The following ADAMTS16 variants were observed in gnomAD, a reference collection of about 807,000 sequenced individuals.
ADAMTS16 encodes ADAM metallopeptidase with thrombospondin type 1 motif 16.
In ADAMTS16, 94 loss-of-function variants were observed where a neutral mutation model predicts 145.8. The observed-to-expected ratio is 0.64, with a 90% CI of 0.55 to 0.77. The LOEUF (loss-of-function observed/expected upper bound fraction) is 0.77. Ranked by LOEUF, ADAMTS16 falls within the 30% of genes least tolerant of loss-of-function variation. ADAMTS16 has a pLI of 0.00. For missense variants in ADAMTS16, 1,585 were observed against 1,591.5 expected, an observed-to-expected ratio of 1.00 and a Z score of 0.07; for synonymous variants, 659 against 604.3, an observed-to-expected ratio of 1.09 and a Z score of -1.33.
rs767228405 is a variant in ADAMTS16, at chr5:5,146,368, T to G, written c.414T>G (p.Thr138=). 1.9e-6 allele frequency: 3 copies of G among 1,614,162 alleles called. No homozygotes were observed. The highest frequency in any genetic ancestry group is 2.5e-6 in the Non-Finnish European group (3 of 1,180,046). The change falls in exon 3 of 23, where the codon ACT becomes ACG. Residue 138 remains threonine (T), a synonymous_variant. Transcript: ENST00000274181. The part of the protein sequence containing the change: ...LGKTGTKSVQ[T]LPPEDFCFYQ... ...AGACAGGCACTAAGTCTGTGCAGAC[T>G]TTACCGCCAGAGGACTTCTGTTTCT...
chr5:5,250,261 A>G (rs932673122), intron 17 of ADAMTS16, among the ~76,000 whole-genome samples: 19 of 152,176 alleles, frequency 1.2e-4, no homozygotes, highest in Non-Finnish European at 2.5e-4. Context: ...TCAAATAGAC[A>G]ACAGAAAAGC....
At chr5:5,250,546 T>A (rs1293983312) in intron 17 of ADAMTS16, among the ~76,000 whole-genome samples, 5 of 152,198 alleles carry the variant, frequency 3.3e-5, no homozygotes, top group African/African-American at 9.6e-5. Flanking sequence ...ACCTGTGTGA[T>A]CCCTGAGAGC....
intron 3 of ADAMTS16, among the ~76,000 whole-genome samples, chr5:5,167,669 C>T (rs1453903433): frequency 6.6e-6 from 1 of 152,174 alleles, no homozygotes; most frequent in African/African-American, 2.4e-5. Flanking sequence ...ATCGTAGCCA[C>T]TTCTCCTTTG....
In ADAMTS16 at chr5:5,237,070, C is replaced by T. The variant is rs1224232723; in HGVS notation, c.2125C>T (p.Arg709Cys). The change falls in exon 14 of 23, where the codon CGT becomes TGT. Residue 709 changes from arginine to cysteine, a missense_variant. Coordinates refer to ENST00000274181, the MANE Select transcript of ADAMTS16 (RefSeq NM_139056.4). ...KDGTPCSEDS[R>C]NVCIDGICER... ...TGGGACTCCATGCTCGGAGGATAGC[C>T]GTAATGTTTGTATAGATGGGATATG... is the stretch of plus-strand genomic sequence containing the variant. The T allele has an allele frequency of 3.7e-6, 6 of 1,613,902 alleles. No individual in the cohort carries two copies. The highest frequency in any genetic ancestry group is 5.1e-6 in the Non-Finnish European group (6 of 1,179,952).
chr5:5,212,792 T>G (rs1736313831), intron 10 of ADAMTS16, among the ~76,000 whole-genome samples: 1 of 152,242 alleles, frequency 6.6e-6, no homozygotes, highest in Non-Finnish European at 1.5e-5. Context: ...ATGTAAAAAT[T>G]ATATAGTAGA....
rs1379302142 is a variant in ADAMTS16 at position 5,259,980 on chromosome 5, T to G, written c.2663-2677T>G. On this transcript the variant is annotated intron_variant, in intron 17 of 22. Coordinates refer to ENST00000274181, the MANE Select transcript of ADAMTS16 (RefSeq NM_139056.4). ...GGGACTTTGGACACTCAAAGGCCAA[T>G]CCCAAATCCATCTTTGATTTTCCTA... is the stretch of plus-strand genomic sequence containing the variant. Among the ~76,000 whole-genome samples, 3 of 152,306 alleles carry G rather than the reference T, an allele frequency of 2.0e-5. No individual in the cohort carries two copies. In the East Asian group the frequency reaches 5.8e-4, roughly 29 times the overall value.
intron 3 of ADAMTS16, among the ~76,000 whole-genome samples, chr5:5,166,269 A>C (rs34024123): frequency 0.073 from 11,145 of 152,022 alleles, 564 homozygotes; most frequent in African/African-American, 0.14. Context: ...ACACAAACAC[A>C]CATACATACA....
intron 9 of ADAMTS16, 147 bp from the exon 10 acceptor site, chr5:5,208,946 T>A (rs1185204420): frequency 1.4e-6 from 1 of 721,256 alleles, no homozygotes; most frequent in African/African-American, 1.8e-5. Flanking sequence ...ATAAGTATTA[T>A]ATTGTAACTC....
rs774980143 is a variant in ADAMTS16 at position 5,181,982 on chromosome 5, C to A, written c.502-62C>A. 3.3e-6 allele frequency: 5 copies of A among 1,507,826 alleles called. No individual in the cohort carries two copies. The South Asian group carries it at 6.4e-5, about 19-fold the overall frequency. The allele number at this position is 1,507,826 out of a possible 1,614,324, so 93.4% of individuals were successfully genotyped here. ...ATAACAAATGCAATGCTTGGAGAAT[C>A]GGCCCTGGCTTCAACCAGAAAGTCT... is the stretch of plus-strand genomic sequence containing the variant. On this transcript the variant is annotated intron_variant, in intron 3 of 22. Transcript: ENST00000274181.
chr5:5,211,206 G>C (rs1290377274), intron 10 of ADAMTS16, among the ~76,000 whole-genome samples: 4 of 152,092 alleles, frequency 2.6e-5, no homozygotes, highest in African/African-American at 9.7e-5. Flanking sequence ...AGTGAGCTCT[G>C]TCTATGGAAA....
Position 5,311,488 on chromosome 5 carries a change from G to A in ADAMTS16, c.3411+4760G>A, listed in dbSNP as rs367718634. Among the ~76,000 whole-genome samples the A allele has an allele frequency of 4.6e-5, 7 of 150,864 alleles. No individual in the cohort carries two copies. In the East Asian group the frequency reaches 7.8e-4, roughly 17 times the overall value. ...TCCAAATGACACGACCCTTCACTCC[G>A]CTCGCTGGAGCTCCGGGTGTGCATG... is the stretch of plus-strand genomic sequence containing the variant. On this transcript the variant is annotated intron_variant, in intron 21 of 22. Transcript: ENST00000274181.
At chr5:5,246,125 C>A (rs115351685) in intron 17 of ADAMTS16, among the ~76,000 whole-genome samples, 1 of 152,120 alleles carries the variant, frequency 6.6e-6, no homozygotes, top group Non-Finnish European at 1.5e-5. Flanking sequence ...AAATTATATA[C>A]GCTGTCATCT....
At chr5:5,186,512 T>C (rs1275714314) in intron 5 of ADAMTS16, among the ~76,000 whole-genome samples, 7 of 152,170 alleles carry the variant, frequency 4.6e-5, no homozygotes, top group Non-Finnish European at 8.8e-5. Context: ...GCCTGTGAGA[T>C]GTTTTGGGCT....
intron 10 of ADAMTS16, among the ~76,000 whole-genome samples, chr5:5,212,189 G>GTTTTTT (rs200419820): frequency 1.0e-5 from 1 of 98,808 alleles, no homozygotes; most frequent in Non-Finnish European, 2.3e-5. Context: ...TAGTTTCTGG[G>GTTTTTT]GTTTTTTTTG....
intron 20 of ADAMTS16, among the ~76,000 whole-genome samples, chr5:5,305,326 A>ACAC (rs768558346): frequency 2.8e-5 from 1 of 36,250 alleles, no homozygotes; most frequent in Non-Finnish European, 5.5e-5. Flanking sequence ...ACACACACAC[A>ACAC]TCCACACCAC....
At chr5:5,223,259 T>A (rs893684553) in intron 11 of ADAMTS16, 1 of 179,374 alleles carries the variant, frequency 5.6e-6, no homozygotes, top group East Asian at 1.4e-4. Context: ...GAGCACATCA[T>A]TTTCACCTAT....
In ADAMTS16 at chr5:5,191,709, G is replaced by A. The variant is rs1297738824; in HGVS notation, c.1232G>A (p.Cys411Tyr). 5 of 1,613,646 alleles carry A rather than the reference G, an allele frequency of 3.1e-6. No individual in the cohort carries two copies. The highest frequency in any genetic ancestry group is 4.2e-6 in the Non-Finnish European group (5 of 1,179,678). ...GGATTTGCACCCATAAGTGGAATGTGTAGTAAATATCGCAGCTGCACGATT... is the reference window on the plus strand; with the variant it reads ...GGATTTGCACCCATAAGTGGAATGTATAGTAAATATCGCAGCTGCACGATT... ...TLGFAPISGMCSKYRSCTINE... is the reference protein window; with the variant it reads ...TLGFAPISGMYSKYRSCTINE... Residue 411 changes from cysteine to tyrosine, a missense_variant, in exon 8 of 23, where the codon TGT becomes TAT. This residue lies in a region of ADAMTS16 where 298 missense variants were observed against 367.6 expected (regional missense o/e 0.81). Coordinates refer to ENST00000274181, the MANE Select transcript of ADAMTS16 (RefSeq NM_139056.4).
In ADAMTS16 at chr5:5,140,740, A is replaced by G; in HGVS notation, c.149A>G (p.Glu50Gly). The G allele has an allele frequency of 6.4e-7, 1 of 1,568,080 alleles. No individual in the cohort carries two copies. The highest frequency in any genetic ancestry group is 2.3e-5 in the East Asian group (1 of 43,194). The stretch of plus-strand genomic sequence containing the variant: ...GTCCCGCGTCCTCCTCCACCCGCGG[A>G]GCGGCCGGGCTGGATGGAAAAGGGC... Reference protein sequence around the residue: ...PSVPRPPPPAERPGWMEKGEY... With the variant: ...PSVPRPPPPAGRPGWMEKGEY... The change falls in exon 2 of 23, where the codon GAG becomes GGG. Residue 50 changes from glutamate (E) to glycine (G), a missense_variant. Glu to Gly is a moderately conservative substitution (Grantham distance 98). Transcript: ENST00000274181.
At chr5:5,277,833 T>G (rs113897694) in intron 18 of ADAMTS16, among the ~76,000 whole-genome samples, 2,395 of 152,136 alleles carry the variant, frequency 0.016, 73 homozygotes, top group African/African-American at 0.055. Context: ...ATTTTAAAAA[T>G]TAGCCAGGTG....
Sources: gnomAD v4.1 joint callset for allele counts (sites outside exome capture counted in the v4.1 genomes callset) on GRCh38, gnomAD v4.1.1 for gene constraint, gnomAD v4.1.1 regional missense constraint, MANE v1.5 for transcripts, NCBI Gene and HGNC (gene_info 2026-07-23, HGNC 2026-07-21) for gene names.